EPX: variants seen among roughly 807,000 people sequenced by gnomAD.
The protein encoded by EPX is eosinophil peroxidase.
Under a neutral mutation model 73.0 loss-of-function variants are expected in EPX, and 60 were observed. The observed-to-expected ratio is 0.82, with a 90% CI of 0.67 to 1.02. EPX has a LOEUF of 1.02. Ranked by LOEUF, EPX falls within the 50% of genes least tolerant of loss-of-function variation. The probability of loss-of-function intolerance (pLI) is 0.00; values close to 1 mark genes in which losing one functional copy is unlikely to be tolerated. For missense variants in EPX, 950 were observed against 973.9 expected (o/e 0.98, Z 0.33); for synonymous variants, 347 against 389.2 (o/e 0.89, Z 1.28).
At position 58,199,617 on chromosome 17, in the gene EPX, T is replaced by C; in HGVS notation, c.1360T>C (p.Tyr454His). The change falls in exon 9 of 13, where the codon TAC becomes CAC. Residue 454 changes from tyrosine (Y) to histidine (H), a missense_variant. Physicochemically the swap from Tyr to His is moderately conservative, Grantham distance 83. Transcript: ENST00000225371. ...GAGAACCCTGGGGCACTACAGGGGG[T>C]ACTGCTCCAATGTGGACCCACGGGT... ...ARRTLGHYRGYCSNVDPRVAN... is the reference protein window; with the variant it reads ...ARRTLGHYRGHCSNVDPRVAN... 2 of 1,614,034 alleles carry C rather than the reference T, an allele frequency of 1.2e-6. No homozygotes were observed. Among genetic ancestry groups the C allele is most frequent in the East Asian group, 4.5e-5 (2 of 44,854 alleles).
Position 58,196,937 on chromosome 17 carries a change from A to T in EPX, c.802-2A>T, listed in dbSNP as rs771326480. On this transcript the variant is annotated splice_acceptor_variant, in intron 6 of 12. Coordinates refer to ENST00000225371, the MANE Select transcript of EPX (RefSeq NM_000502.6). LOFTEE classifies it high-confidence loss of function. Reference sequence around the variant, plus strand: ...ATGTCACTGTCTCCTCTTCCATCTCAGATCCCACCCAATGACCCCCGCATC... The same window carrying T: ...ATGTCACTGTCTCCTCTTCCATCTCTGATCCCACCCAATGACCCCCGCATC... 1.2e-6 allele frequency: 2 copies of T among 1,613,266 alleles called. No individual in the cohort carries two copies. Among genetic ancestry groups the T allele is most frequent in the Non-Finnish European group, 1.7e-6 (2 of 1,179,802 alleles).
At chr17:58,194,191 C>G in intron 5 of EPX, 99 bp downstream of exon 5, 1 of 1,209,988 alleles carries the variant, frequency 8.3e-7, no homozygotes, top group Non-Finnish European at 1.2e-6. Context: ...AACCCAGGCC[C>G]TTCCACTGAC....
rs757551690 is a variant in EPX at position 58,199,130 on chromosome 17, G to A, written c.1211G>A (p.Arg404His). 7 of 1,614,052 alleles carry A rather than the reference G, an allele frequency of 4.3e-6. No homozygotes were observed. The highest frequency in any genetic ancestry group is 4.2e-6 in the Non-Finnish European group (5 of 1,179,972). The change falls in exon 8 of 13, where the codon CGC becomes CAC. Residue 404 changes from arginine (R) to histidine (H), a missense_variant. Coordinates refer to ENST00000225371, the MANE Select transcript of EPX (RefSeq NM_000502.6). ...AACCGGCTGGCCACCGAGCTGAGAC[G>A]CCTGAATCCCCGGTGGAATGGAGAC... ...EHNRLATELR[R>H]LNPRWNGDKL...
At chr17:58,193,891 C>T in intron 4 of EPX, 60 bp downstream of exon 4, 4 of 1,605,866 alleles carry the variant, frequency 2.5e-6, no homozygotes, top group Non-Finnish European at 3.4e-6. Flanking sequence ...CTTCCTGCAC[C>T]CACCCTCTCC....
At chr17:58,195,683 C>T (rs1490972645) in intron 6 of EPX, among the ~76,000 whole-genome samples, 2 of 150,756 alleles carry the variant, frequency 1.3e-5, no homozygotes, top group Non-Finnish European at 2.9e-5. Context: ...GACACACGTG[C>T]ACACACACAC....
chr17:58,198,622 G>GA (rs1968294495), intron 7 of EPX, among the ~76,000 whole-genome samples: 1 of 152,166 alleles, frequency 6.6e-6, no homozygotes, highest in African/African-American at 2.4e-5. Flanking sequence ...CCAAAGATAG[G>GA]AAGAGGTACA....
chr17:58,193,509 G>A lies in EPX; in HGVS notation c.309G>A (p.Lys103=). The A allele has an allele frequency of 1.2e-6, 2 of 1,614,222 alleles. No individual in the cohort carries two copies. The highest frequency in any genetic ancestry group is 8.5e-7 in the Non-Finnish European group (1 of 1,180,048). The part of the protein sequence containing the change: ...MHVALGLLEE[K]LQPQRSGPFN... ...TGGCTTTGGGGCTGCTTGAAGAGAA[G>A]TTACAACCCCAGCGGTCCGGACCCT... Residue 103 remains lysine, a synonymous_variant, in exon 3 of 13, where the codon AAG becomes AAA. Coordinates refer to ENST00000225371, the MANE Select transcript of EPX (RefSeq NM_000502.6).
intron 7 of EPX, among the ~76,000 whole-genome samples, 191 bp from the exon 8 acceptor site, chr17:58,198,849 C>T (rs1019760995): frequency 2.6e-5 from 4 of 152,296 alleles, no homozygotes; most frequent in South Asian, 2.1e-4. Flanking sequence ...CCGGTCCTTC[C>T]GCTCCTGGCC....
intron 10 of EPX, chr17:58,202,661 C>T (rs1968357320): frequency 3.7e-6 from 1 of 273,502 alleles, no homozygotes; most frequent in Non-Finnish European, 7.2e-6. Context: ...TTTATCATTG[C>T]TCTCCATTTG....
intron 9 of EPX, among the ~76,000 whole-genome samples, 161 bp downstream of exon 9, chr17:58,199,955 T>C (rs1266576142): frequency 6.6e-6 from 1 of 152,118 alleles, no homozygotes; most frequent in African/African-American, 2.4e-5. Flanking sequence ...AGACCCTCAG[T>C]CACGGGCCTC....
At chr17:58,195,217 A>T in intron 6 of EPX, 47 bp downstream of exon 6, 3 of 1,463,610 alleles carry the variant, frequency 2.0e-6, no homozygotes, top group Non-Finnish European at 2.9e-6. Flanking sequence ...GGCCTCCCCC[A>T]AAGGCAAGGT....
At position 58,200,105 on chromosome 17, in the gene EPX, A is replaced by AACGTTACTAACATACCCGACTGGC; in HGVS notation, c.1538-119_1538-96dup. The AACGTTACTAACATACCCGACTGGC allele has an allele frequency of 3.1e-6, 3 of 962,052 alleles. No individual in the cohort carries two copies. The Admixed American group carries it at 5.4e-5, about 17-fold the overall frequency. 59.6% of individuals were successfully genotyped at this position (962,052 alleles called of 1,614,324 possible). A position where few individuals can be genotyped will look rare whatever the true frequency, so the allele number is the denominator to read the frequency against. On this transcript the variant is annotated intron_variant, in intron 9 of 12. Transcript: ENST00000225371. ...CTCTCCAGAACTCTGTTTCCTGACA[A>AACGTTACTAACATACCCGACTGGC]ACGTTACTAACATACCCGACTGGCT...
rs148414734 is a variant in EPX at position 58,197,052 on chromosome 17, C to T, written c.915C>T (p.Leu305=). 620 of 1,614,230 alleles carry T rather than the reference C, an allele frequency of 3.8e-4. 2 individuals are homozygous for T. The African/African-American group carries it at 6.6e-3, about 17-fold the overall frequency. ...KNRVRNQINA[L]TSFVDASMVY... Reference sequence around the variant, plus strand: ...GAGTCCGCAACCAGATCAACGCGCTCACCTCCTTTGTGGACGCCAGCATGG... The same window carrying T: ...GAGTCCGCAACCAGATCAACGCGCTTACCTCCTTTGTGGACGCCAGCATGG... The change falls in exon 7 of 13, where the codon CTC becomes CTT. Residue 305 remains leucine, a synonymous_variant. Transcript: ENST00000225371.
Position 58,203,931 on chromosome 17 carries a change from CAAAAAAAAAAAAAAAAAAAAAAAAAAA to C in EPX, c.1947-278_1947-252del, listed in dbSNP as rs567848038. On this transcript the variant is annotated intron_variant, in intron 11 of 12. Coordinates refer to ENST00000225371, the MANE Select transcript of EPX (RefSeq NM_000502.6). Reference sequence around the variant, plus strand: ...TGGGCGACAGAGCGAGACTCCGTCTCAAAAAAAAAAAAAAAAAAAAAAAAAAAAAAAAAAAAAAAGACCTGTCTCCTT... The same window carrying C: ...TGGGCGACAGAGCGAGACTCCGTCTCAAAAAAAAAAAAGACCTGTCTCCTT... Among the ~76,000 whole-genome samples the C allele has an allele frequency of 1.0e-3, 16 of 15,778 alleles. 1 individual carries two copies. The South Asian group carries it at 0.038, about 38-fold the overall frequency. 10.4% of individuals were successfully genotyped at this position (15,778 alleles called of 152,430 possible).
At chr17:58,204,563 G>A in intron 12 of EPX, 129 bp downstream of exon 12, 1 of 648,546 alleles carries the variant, frequency 1.5e-6, no homozygotes, top group East Asian at 2.7e-5. Flanking sequence ...CTCTTTCCAA[G>A]TGGCTTCCCA....
intron 11 of EPX, among the ~76,000 whole-genome samples, chr17:58,203,760 G>A (rs545075774): frequency 8.6e-5 from 13 of 150,972 alleles, no homozygotes; most frequent in South Asian, 6.3e-4. Flanking sequence ...GTGAAACCCC[G>A]TCTCTACTAA....
At chr17:58,197,973 T>A (rs1476924316) in intron 7 of EPX, among the ~76,000 whole-genome samples, 1 of 152,116 alleles carries the variant, frequency 6.6e-6, no homozygotes, top group Non-Finnish European at 1.5e-5. Context: ...GTAGCTGGAA[T>A]TACAGGTGCC....
chr17:58,201,129 A>G (rs1420439048), intron 10 of EPX, among the ~76,000 whole-genome samples: 1 of 152,182 alleles, frequency 6.6e-6, no homozygotes, highest in Non-Finnish European at 1.5e-5. Context: ...GGTTTTGGCC[A>G]CTGCCTTGCT....
At position 58,198,555 on chromosome 17, in the gene EPX, C is replaced by G. The variant is rs184126686; in HGVS notation, c.1121-485C>G. Among the ~76,000 whole-genome samples the G allele has an allele frequency of 6.6e-5, 10 of 152,244 alleles. No homozygotes were observed. In the East Asian group the frequency reaches 1.9e-3, roughly 29 times the overall value. ...TTCGTAAGGACAGTCTCTGCCCAAC[C>G]CTCCCTCTCTTCCTCTTTCCCTCTG... On this transcript the variant is annotated intron_variant, in intron 7 of 12. Coordinates refer to ENST00000225371, the MANE Select transcript of EPX (RefSeq NM_000502.6).
Sources: allele counts gnomAD v4.1 joint callset (sites outside exome capture counted in the v4.1 genomes callset), GRCh38; gene constraint gnomAD v4.1.1; transcripts MANE v1.5; gene names NCBI Gene and HGNC (gene_info 2026-07-23, HGNC 2026-07-21).